DPP6: variants seen among roughly 807,000 people sequenced by gnomAD.
The protein encoded by DPP6 is dipeptidyl peptidase like 6, also known as A-type potassium channel modulatory protein DPP6.
A neutral mutation model predicts 122.6 loss-of-function variants in DPP6; 69 were observed. The observed-to-expected ratio is 0.56, with a 90% CI of 0.46 to 0.69. The LOEUF (loss-of-function observed/expected upper bound fraction) is 0.69, where lower values mean the gene tolerates loss of function less well. Among genes scored for constraint, DPP6 ranks in the 30% least tolerant of loss-of-function variants. DPP6 has a pLI of 0.00. For missense variants in DPP6, 928 were observed against 1,116.9 expected, an observed-to-expected ratio of 0.83 and a Z score of 2.41; for synonymous variants, 418 against 433.1, an observed-to-expected ratio of 0.97 and a Z score of 0.43.
intron 1 of DPP6, among the ~76,000 whole-genome samples, chr7:154,347,154 TAACGTACAGG>T (rs1236241734): frequency 6.6e-6 from 1 of 152,234 alleles, no homozygotes; most frequent in Non-Finnish European, 1.5e-5. Context: ...TCGGTTCATG[TAACGTACAGG>T]AGACCTGTTC....
chr7:154,062,360 GCTATCCCCTCTTCCGCCCC>G (rs1802109594), intron 1 of DPP6, among the ~76,000 whole-genome samples: 1 of 22,854 alleles, frequency 4.4e-5, no homozygotes, highest in African/African-American at 2.4e-4. Context: ...GGGACTGAGA[GCTATCCCCTCTTCCGCCCC>G]TGGCTTTTGG....
At chr7:154,431,487 T>C (rs374268109) in intron 1 of DPP6, among the ~76,000 whole-genome samples, 2 of 33,612 alleles carry the variant, frequency 6.0e-5, no homozygotes, top group South Asian at 1.0e-3. Context: ...TTTTCTTTTC[T>C]TTTCTTTTCT....
upstream of DPP6, among the ~76,000 whole-genome samples, chr7:153,885,292 TC>T (rs1242808289): frequency 6.6e-5 from 10 of 152,082 alleles, no homozygotes; most frequent in African/African-American, 2.4e-4. Context: ...AGTGTTCCCT[TC>T]TTGAGAAAAG....
chr7:154,851,109 C>T (rs1443710269), intron 16 of DPP6, among the ~76,000 whole-genome samples: 6 of 152,146 alleles, frequency 3.9e-5, no homozygotes, highest in Admixed American at 2.0e-4. Context: ...ATCACTGTTA[C>T]TTTATTCCTT....
chr7:153,936,883 G>A (rs1040193416), intron 1 of DPP6, among the ~76,000 whole-genome samples: 1 of 152,144 alleles, frequency 6.6e-6, no homozygotes, highest in Non-Finnish European at 1.5e-5. Flanking sequence ...GGGATGGTAC[G>A]CTTCTGTCGT....
rs772825693 is a variant in DPP6 at position 154,686,306 on chromosome 7, G to A, written c.762+16865G>A. 1.5e-4 allele frequency among the ~76,000 whole-genome samples: 23 copies of A among 151,944 alleles called. 1 individual carries two copies. The highest frequency in any genetic ancestry group is 6.6e-4 in the Admixed American group (10 of 15,262). ...AGAATGACTTCTCTCAAGACCAAAT[G>A]TTCTCAAGTCTATGAGAAGCCTTTG... On this transcript the variant is annotated intron_variant, in intron 7 of 25. Coordinates refer to ENST00000377770, the MANE Select transcript of DPP6 (RefSeq NM_130797.4).
At chr7:154,275,851 A>T (rs1804092927) in intron 1 of DPP6, among the ~76,000 whole-genome samples, 1 of 152,180 alleles carries the variant, frequency 6.6e-6, no homozygotes, top group Admixed American at 6.5e-5. Context: ...CCAGACATGG[A>T]GATATCCATG....
At chr7:154,445,465 C>T (rs534100524) in intron 1 of DPP6, among the ~76,000 whole-genome samples, 23 of 152,264 alleles carry the variant, frequency 1.5e-4, no homozygotes, top group Admixed American at 1.0e-3. Context: ...AGCCAGTACG[C>T]GTGATGAATT....
chr7:154,128,519 A>G (rs1372234240), intron 1 of DPP6, among the ~76,000 whole-genome samples: 2 of 152,080 alleles, frequency 1.3e-5, no homozygotes, highest in Non-Finnish European at 2.9e-5. Flanking sequence ...CTCCTGCCTC[A>G]GCCTCCCGAG....
intron 1 of DPP6, among the ~76,000 whole-genome samples, chr7:154,306,469 T>C (rs1418021894): frequency 1.3e-5 from 2 of 152,250 alleles, no homozygotes; most frequent in East Asian, 3.8e-4. Context: ...CAGCTTAAGC[T>C]GACTTCTCCT....
intron 10 of DPP6, 174 bp from the exon 11 acceptor site, chr7:154,793,905 G>A (rs1004914168): frequency 9.6e-6 from 10 of 1,037,272 alleles, no homozygotes; most frequent in Non-Finnish European, 1.4e-5. Flanking sequence ...TCAGAGTCCC[G>A]CGCCAGTGCA....
At chr7:154,516,264 C>CTT (rs34511688) in intron 3 of DPP6, among the ~76,000 whole-genome samples, 2 of 146,802 alleles carry the variant, frequency 1.4e-5, no homozygotes, top group Non-Finnish European at 1.5e-5. Flanking sequence ...CCGAACTCTG[C>CTT]TTTTTTTTTT....
chr7:154,459,513 T>C (rs1821088521), intron 2 of DPP6, among the ~76,000 whole-genome samples: 1 of 152,090 alleles, frequency 6.6e-6, no homozygotes, highest in East Asian at 1.9e-4. Flanking sequence ...ACAAGTAATA[T>C]GTATAAATAG....
chr7:154,736,440 G>C (rs986482926), intron 8 of DPP6, among the ~76,000 whole-genome samples: 1 of 152,170 alleles, frequency 6.6e-6, no homozygotes, highest in African/African-American at 2.4e-5. Context: ...TGAATTTCTT[G>C]TAATTCTCAC....
intron 1 of DPP6, among the ~76,000 whole-genome samples, chr7:154,317,504 A>C (rs1807538508): frequency 6.6e-6 from 1 of 152,210 alleles, no homozygotes; most frequent in South Asian, 2.1e-4. Context: ...TCATTGTCGA[A>C]AATGTGTTTG....
chr7:153,886,066 A>T (rs1798898408), upstream of DPP6, among the ~76,000 whole-genome samples: 1 of 150,106 alleles, frequency 6.7e-6, no homozygotes, highest in Non-Finnish European at 1.5e-5. Context: ...CCCCTCCCAG[A>T]CTCCAGCTCC....
At chr7:154,847,560 T>C (rs1312606559) in intron 16 of DPP6, among the ~76,000 whole-genome samples, 2 of 152,196 alleles carry the variant, frequency 1.3e-5, no homozygotes, top group Non-Finnish European at 2.9e-5. Context: ...TAATTGCATA[T>C]ATTTATTGGG....
intron 2 of DPP6, among the ~76,000 whole-genome samples, chr7:154,458,384 C>T (rs1286180815): frequency 6.6e-6 from 1 of 152,188 alleles, no homozygotes; most frequent in Admixed American, 6.5e-5. Context: ...GATTGTGAGG[C>T]CTCCCCAGCC....
At chr7:154,272,139 G>C (rs878923131) in intron 1 of DPP6, among the ~76,000 whole-genome samples, 1 of 152,184 alleles carries the variant, frequency 6.6e-6, no homozygotes, top group Non-Finnish European at 1.5e-5. Flanking sequence ...TTCCCTGGCT[G>C]CCAGCACAGT....
Sources: gnomAD v4.1 joint callset for allele counts (sites outside exome capture counted in the v4.1 genomes callset) on GRCh38, gnomAD v4.1.1 for gene constraint, MANE v1.5 for transcripts, NCBI Gene and HGNC (gene_info 2026-07-23, HGNC 2026-07-21) for gene names.